DAB1: variants seen among roughly 807,000 people sequenced by gnomAD.
DAB1 encodes the protein DAB adaptor protein 1, also known as disabled homolog 1.
A neutral mutation model predicts 64.6 loss-of-function variants in DAB1; 15 were observed. The observed-to-expected ratio is 0.23, with a 90% CI of 0.16 to 0.36. The LOEUF (loss-of-function observed/expected upper bound fraction) is 0.36, where lower values mean the gene tolerates loss of function less well. DAB1 is among the 10% of genes least tolerant of loss of function. DAB1 has a pLI of 1.00. For synonymous variants in DAB1, 235 were observed against 251.9 expected, an observed-to-expected ratio of 0.93 and a Z score of 0.64; for missense variants, 596 against 706.7, an observed-to-expected ratio of 0.84 and a Z score of 1.78.
chr1:57,611,895 G>A (rs1284967322), intron 7 of DAB1, among the ~76,000 whole-genome samples: 3 of 152,056 alleles, frequency 2.0e-5, no homozygotes, highest in Admixed American at 1.3e-4. Flanking sequence ...GAATAAACTC[G>A]AAATTCCATA....
chr1:58,175,159 T>C (rs1437686448), intron 4 of DAB1, among the ~76,000 whole-genome samples: 1 of 152,202 alleles, frequency 6.6e-6, no homozygotes, highest in Non-Finnish European at 1.5e-5. Flanking sequence ...TTATGAGCTG[T>C]AACACTCACC....
At chr1:57,899,349 G>T (rs1286646164) in intron 5 of DAB1, among the ~76,000 whole-genome samples, 1 of 152,154 alleles carries the variant, frequency 6.6e-6, no homozygotes, top group Non-Finnish European at 1.5e-5. Flanking sequence ...AAAATGAAAA[G>T]TGTGTGATCT....
intron 3 of DAB1, among the ~76,000 whole-genome samples, chr1:58,348,380 T>C (rs1644021029): frequency 6.6e-6 from 1 of 152,068 alleles, no homozygotes; most frequent in Non-Finnish European, 1.5e-5. Flanking sequence ...TAAAACAACA[T>C]GAGGCTAGAA....
intron 5 of DAB1, among the ~76,000 whole-genome samples, chr1:58,088,684 C>G (rs1364324385): frequency 6.6e-6 from 1 of 152,138 alleles, no homozygotes; most frequent in African/African-American, 2.4e-5. Context: ...TCTGTGTATT[C>G]ACTCTATTCA....
At chr1:57,973,800 A>G (rs1645854852) in intron 5 of DAB1, among the ~76,000 whole-genome samples, 1 of 152,022 alleles carries the variant, frequency 6.6e-6, no homozygotes, top group African/African-American at 2.4e-5. Flanking sequence ...AGACTTTTAT[A>G]TTAGCCTCCA....
intron 1 of DAB1, among the ~76,000 whole-genome samples, chr1:57,848,860 G>C (rs1389676497): frequency 1.3e-5 from 2 of 152,082 alleles, no homozygotes; most frequent in East Asian, 3.9e-4. Context: ...TTCAAAGGGG[G>C]TGCTGATGAG....
At chr1:58,316,785 G>C (rs1162849120) in intron 4 of DAB1, among the ~76,000 whole-genome samples, 1 of 152,150 alleles carries the variant, frequency 6.6e-6, no homozygotes, top group Non-Finnish European at 1.5e-5. Context: ...AGGGGTGTCT[G>C]CTTCATTCTC....
chr1:58,494,159 A>C (rs1441846334), intron 3 of DAB1, among the ~76,000 whole-genome samples: 2 of 152,206 alleles, frequency 1.3e-5, no homozygotes. Context: ...CAAAAATAAG[A>C]AATGGGGAAA....
chr1:57,308,064 T>A (rs575364451), intron 1 of DAB1, among the ~76,000 whole-genome samples: 1 of 152,264 alleles, frequency 6.6e-6, no homozygotes, highest in East Asian at 1.9e-4. Context: ...TCATTAAAAT[T>A]TACAGTCTAA....
chr1:57,701,848 G>C (rs1646912063), intron 6 of DAB1, among the ~76,000 whole-genome samples: 1 of 151,952 alleles, frequency 6.6e-6, no homozygotes, highest in African/African-American at 2.4e-5. Context: ...ATTTCTGGGG[G>C]TCTTATTATT....
At chr1:58,067,990 T>C (rs1648966016) in intron 5 of DAB1, among the ~76,000 whole-genome samples, 1 of 152,232 alleles carries the variant, frequency 6.6e-6, no homozygotes, top group African/African-American at 2.4e-5. Context: ...ATGGAGAATT[T>C]AAAGACAGTC....
rs187512609 is a variant in DAB1 at position 57,577,125 on chromosome 1, G to A, written n.625+72467C>T. Among the ~76,000 whole-genome samples the A allele has an allele frequency of 2.0e-3, 308 of 152,264 alleles. 2 individuals are homozygous for A. Among genetic ancestry groups the A allele is most frequent in the African/African-American group, 6.7e-3 (279 of 41,558 alleles). On this transcript the variant is annotated intron_variant and non_coding_transcript_variant, in intron 7 of 20. Transcript: ENST00000485760. ...GAGTCTGTAATGCTCGGGAAAGCAG[G>A]CCATCAGGGCTTCTGATGGGGGACA...
intron 4 of DAB1, among the ~76,000 whole-genome samples, chr1:58,191,118 A>G (rs1029913178): frequency 6.6e-6 from 1 of 152,246 alleles, no homozygotes; most frequent in Admixed American, 6.5e-5. Context: ...AGATACATGG[A>G]GGATGGTGTA....
chr1:57,422,204 AC>A (rs1684967767), intron 1 of DAB1, among the ~76,000 whole-genome samples: 1 of 152,048 alleles, frequency 6.6e-6, no homozygotes, highest in Non-Finnish European at 1.5e-5. Flanking sequence ...GTGTAGTGGA[AC>A]CCCCACACAG....
At chr1:57,397,575 G>A (rs570599395) in intron 1 of DAB1, among the ~76,000 whole-genome samples, 7 of 152,144 alleles carry the variant, frequency 4.6e-5, no homozygotes, top group Non-Finnish European at 1.0e-4. Flanking sequence ...GAGAGTGCAC[G>A]TCCACACAGT....
At chr1:57,854,000 C>T (rs534266878) in intron 1 of DAB1, among the ~76,000 whole-genome samples, 4 of 152,248 alleles carry the variant, frequency 2.6e-5, no homozygotes, top group African/African-American at 9.6e-5. Context: ...ATTCATCATT[C>T]AACACATATA....
intron 4 of DAB1, among the ~76,000 whole-genome samples, chr1:57,107,307 G>A (rs1213296717): frequency 2.6e-5 from 4 of 151,598 alleles, no homozygotes; most frequent in Admixed American, 6.6e-5. Flanking sequence ...CCGGGGAGGC[G>A]GAAGTTGCAG....
chr1:57,718,728 A>G (rs187422750), intron 6 of DAB1, among the ~76,000 whole-genome samples: 289 of 152,336 alleles, frequency 1.9e-3, no homozygotes, highest in Non-Finnish European at 3.1e-3. Context: ...TCAAAATGTT[A>G]TCAATATCCC....
At chr1:58,530,486 G>A (rs1341259387) in intron 1 of DAB1, 12 of 614,530 alleles carry the variant, frequency 2.0e-5, no homozygotes, top group African/African-American at 5.5e-5. Flanking sequence ...CTAAAAATTC[G>A]TACCCATATT....
Sources: allele counts gnomAD v4.1 joint callset (sites outside exome capture counted in the v4.1 genomes callset), GRCh38; gene constraint gnomAD v4.1.1; transcripts MANE v1.5; gene names NCBI Gene and HGNC (gene_info 2026-07-23, HGNC 2026-07-21).